The following RABGAP1L variants were observed in gnomAD, a reference collection of about 807,000 sequenced individuals.
RABGAP1L encodes rab GTPase-activating protein 1-like.
RABGAP1L carries 63 observed loss-of-function variants against 137.7 expected under a neutral mutation model. The ratio of observed to expected loss-of-function variants is 0.46; its 90% CI spans 0.37 to 0.56. The LOEUF (loss-of-function observed/expected upper bound fraction) is 0.56, where lower values mean the gene tolerates loss of function less well. Among genes scored for constraint, RABGAP1L ranks in the 20% least tolerant of loss-of-function variants. RABGAP1L has a pLI of 0.00. For synonymous variants in RABGAP1L, 431 were observed against 433.7 expected (o/e 0.99, Z 0.08); for missense variants, 1,095 against 1,244.0 (o/e 0.88, Z 1.80).
intron 5 of RABGAP1L, among the ~76,000 whole-genome samples, chr1:174,247,597 C>T (rs1350767151): frequency 6.6e-6 from 1 of 152,224 alleles, no homozygotes; most frequent in Admixed American, 6.5e-5. Flanking sequence ...ATTCCCAGGG[C>T]CTTCTTGCCC....
chr1:174,494,164 G>T (rs1660536139), intron 13 of RABGAP1L, among the ~76,000 whole-genome samples: 1 of 152,292 alleles, frequency 6.6e-6, no homozygotes, highest in Middle Eastern at 3.4e-3. Context: ...AAAGGTTTAT[G>T]TAGAGGTAAA....
intron 19 of RABGAP1L, among the ~76,000 whole-genome samples, chr1:174,896,203 G>A (rs563172328): frequency 0.021 from 3,167 of 152,300 alleles, 51 homozygotes; most frequent in Middle Eastern, 0.079. Flanking sequence ...GTGATGATGA[G>A]CATTTTTTCA....
In RABGAP1L at chr1:174,394,161, T is replaced by TCA. The variant is rs764183104; in HGVS notation, c.1710+16_1710+17insCA. ...TATCACAAAGGTAGGAAGAAGTTCTTTTCATATTATTTTCATTGGATGACC... is the reference window on the plus strand; with the variant it reads ...TATCACAAAGGTAGGAAGAAGTTCTTCATTCATATTATTTTCATTGGATGACC... On this transcript the variant is annotated intron_variant, in intron 13 of 25. Transcript: ENST00000681986. 46 of 1,606,388 alleles carry TCA rather than the reference T, an allele frequency of 2.9e-5. No individual in the cohort carries two copies. In the Middle Eastern group the frequency reaches 5.0e-4, roughly 17 times the overall value.
At chr1:174,759,204 A>G (rs953697159) in intron 18 of RABGAP1L, among the ~76,000 whole-genome samples, 3 of 152,018 alleles carry the variant, frequency 2.0e-5, no homozygotes, top group African/African-American at 7.3e-5. Context: ...AAAGATAGTA[A>G]TTAAACAAAT....
At chr1:174,336,708 A>G (rs192012930) in intron 11 of RABGAP1L, among the ~76,000 whole-genome samples, 6 of 152,248 alleles carry the variant, frequency 3.9e-5, no homozygotes, top group Non-Finnish European at 5.9e-5. Flanking sequence ...TTGCCTACCT[A>G]TATTAGCTCA....
At chr1:174,429,949 T>G (rs1199574216) in intron 13 of RABGAP1L, among the ~76,000 whole-genome samples, 1 of 152,166 alleles carries the variant, frequency 6.6e-6, no homozygotes, top group East Asian at 1.9e-4. Context: ...TACTGAATTT[T>G]GGTCACTAGT....
At position 174,190,316 on chromosome 1, in the gene RABGAP1L, A is replaced by G. The variant is rs181806203; in HGVS notation, c.-33-28809A>G. On this transcript the variant is annotated intron_variant, in intron 1 of 25. Coordinates refer to ENST00000681986, the MANE Select transcript of RABGAP1L (RefSeq NM_001366446.1). ...GACTCCGTTGCAAAAAAAAAAAAAA[A>G]AAAGAAAGAAAGAAAGAAAGAAGGC... Among the ~76,000 whole-genome samples, 181 of 150,878 alleles carry G rather than the reference A, an allele frequency of 1.2e-3. 4 individuals carry two copies. The East Asian group carries it at 0.027, about 23-fold the overall frequency.
intron 17 of RABGAP1L, chr1:174,705,387 GATAA>G (rs1243714156): frequency 6.6e-6 from 1 of 152,124 alleles, no homozygotes; most frequent in Non-Finnish European, 1.5e-5. Flanking sequence ...CTACAGAAAA[GATAA>G]ATAAATTTAT....
At chr1:174,545,030 C>T (rs1444093548) in intron 13 of RABGAP1L, 2 of 152,758 alleles carry the variant, frequency 1.3e-5, no homozygotes, top group African/African-American at 4.8e-5. Flanking sequence ...GAGGTGTCTC[C>T]CAATTAGACT....
intron 13 of RABGAP1L, among the ~76,000 whole-genome samples, chr1:174,443,861 G>A (rs1457098614): frequency 1.3e-5 from 2 of 151,962 alleles, no homozygotes; most frequent in African/African-American, 2.4e-5. Context: ...TTTGTATATG[G>A]TGAGAGATAG....
At position 174,683,721 on chromosome 1, in the gene RABGAP1L, A is replaced by T. The variant is rs1678255847; in HGVS notation, c.1899+125A>T. ...AGATTACATATGGCATATCTTTTTT[A>T]AAATGTACGTTAGGTGATAAAGTAA... On this transcript the variant is annotated intron_variant, in intron 15 of 25. Transcript: ENST00000681986. The T allele has an allele frequency of 6.3e-6, 4 of 636,432 alleles. No homozygotes were observed. The Admixed American group carries it at 9.5e-5, about 15-fold the overall frequency. The allele number at this position is 636,432 out of a possible 1,614,324, so 39.4% of individuals were successfully genotyped here.
At chr1:174,524,932 T>G (rs1663746828) in intron 13 of RABGAP1L, among the ~76,000 whole-genome samples, 2 of 152,176 alleles carry the variant, frequency 1.3e-5, no homozygotes, top group Non-Finnish European at 2.9e-5. Context: ...TTGGTGCCTT[T>G]GTCAAAAATC....
chr1:174,558,718 T>C lies in RABGAP1L; in HGVS notation c.1711-78657T>C, dbSNP rs1329814966. Among the ~76,000 whole-genome samples the C allele has an allele frequency of 6.6e-5, 10 of 152,312 alleles. No individual in the cohort carries two copies. In the East Asian group the frequency reaches 1.9e-3, roughly 29 times the overall value. On this transcript the variant is annotated intron_variant, in intron 13 of 25. Coordinates refer to ENST00000681986, the MANE Select transcript of RABGAP1L (RefSeq NM_001366446.1). ...AATACCTTATATATCTCATTCCTGA[T>C]AATGAAAAGTTACTAGTACCATGGT...
intron 1 of RABGAP1L, among the ~76,000 whole-genome samples, chr1:174,211,710 C>A (rs1447314543): frequency 6.6e-6 from 1 of 151,976 alleles, no homozygotes; most frequent in Non-Finnish European, 1.5e-5. Context: ...AAACCAAGAC[C>A]CACTGATCTG....
chr1:174,406,744 T>C (rs909304152), intron 13 of RABGAP1L, among the ~76,000 whole-genome samples: 2 of 152,136 alleles, frequency 1.3e-5, no homozygotes, highest in African/African-American at 4.8e-5. Flanking sequence ...ACGCTGTCTC[T>C]ACAAAAAATA....
intron 13 of RABGAP1L, among the ~76,000 whole-genome samples, chr1:174,519,223 C>T (rs1663148442): frequency 6.6e-6 from 1 of 151,540 alleles, no homozygotes; most frequent in African/African-American, 2.4e-5. Context: ...TATATATACA[C>T]ACACACACAC....
At chr1:174,686,035 A>G (rs1172480439) in intron 15 of RABGAP1L, among the ~76,000 whole-genome samples, 1 of 152,202 alleles carries the variant, frequency 6.6e-6, no homozygotes, top group Non-Finnish European at 1.5e-5. Context: ...TAAGAAGATT[A>G]AATCCCAGGA....
chr1:174,448,904 A>C lies in RABGAP1L; in HGVS notation c.1710+54759A>C. 1 of 1,613,926 alleles carries C rather than the reference A, an allele frequency of 6.2e-7. No individual in the cohort carries two copies. The highest frequency in any genetic ancestry group is 8.5e-7 in the Non-Finnish European group (1 of 1,179,806). ...ACACAGCCCTGACCGTCGCTACGCCATGGTTTTGTTTAGGATAACCAGTGT... is the reference window on the plus strand; with the variant it reads ...ACACAGCCCTGACCGTCGCTACGCCCTGGTTTTGTTTAGGATAACCAGTGT... On this transcript the variant is annotated intron_variant, in intron 13 of 25. Coordinates refer to ENST00000681986, the MANE Select transcript of RABGAP1L (RefSeq NM_001366446.1). The surrounding 1 kb of genome is among the most constrained non-coding windows in gnomAD (Gnocchi z 4.2).
chr1:174,253,612 G>A (rs1672887934), intron 7 of RABGAP1L, among the ~76,000 whole-genome samples: 1 of 152,066 alleles, frequency 6.6e-6, no homozygotes, highest in Non-Finnish European at 1.5e-5. Flanking sequence ...AAAAGGAAGT[G>A]CTCAAAAAAA....
Sources: allele counts gnomAD v4.1 joint callset (sites outside exome capture counted in the v4.1 genomes callset), GRCh38; gene constraint gnomAD v4.1.1; non-coding constraint Gnocchi (gnomAD v3.1); transcripts MANE v1.5; gene names NCBI Gene and HGNC (gene_info 2026-07-23, HGNC 2026-07-21).